Variants in ANK3 observed in about 807,000 individuals in gnomAD.
ANK3 encodes ankyrin-3.
Under a neutral mutation model 370.9 loss-of-function variants are expected in ANK3, and 57 were observed. The observed-to-expected ratio is 0.15, with a 90% CI of 0.12 to 0.19. The LOEUF is 0.19. ANK3 is among the 10% of genes least tolerant of loss of function. The pLI is 1.00. For missense variants in ANK3, 4,439 were observed against 5,302.1 expected (o/e 0.84, Z 5.06); for synonymous variants, 1,929 against 1,946.3 (o/e 0.99, Z 0.23).
At chr10:60,080,772 C>G (rs563647632) in intron 35 of ANK3, among the ~76,000 whole-genome samples, 154 bp from the exon 36 acceptor site, 13 of 152,270 alleles carry the variant, frequency 8.5e-5, no homozygotes, top group Admixed American at 5.9e-4. Flanking sequence ...CCCCACCCCC[C>G]ATGTCTTAAC....
At chr10:60,574,571 T>C (rs960688607) in intron 2 of ANK3, among the ~76,000 whole-genome samples, 1 of 152,182 alleles carries the variant, frequency 6.6e-6, no homozygotes, top group African/African-American at 2.4e-5. Flanking sequence ...AAAATAAACC[T>C]TTCAAGTTCT....
At chr10:60,189,291 G>T (rs773105961) in intron 16 of ANK3, among the ~76,000 whole-genome samples, 5 of 152,160 alleles carry the variant, frequency 3.3e-5, no homozygotes, top group African/African-American at 1.2e-4. Context: ...TCAGGAGCTC[G>T]AGACCACCCT....
At chr10:60,585,541 T>C (rs1163639738) in intron 2 of ANK3, among the ~76,000 whole-genome samples, 3 of 152,098 alleles carry the variant, frequency 2.0e-5, no homozygotes, top group African/African-American at 4.8e-5. Flanking sequence ...AGATTAAGAA[T>C]ACGCCCTTCT....
intron 1 of ANK3, among the ~76,000 whole-genome samples, chr10:60,630,022 C>T (rs891151993): frequency 2.0e-5 from 3 of 152,038 alleles, no homozygotes; most frequent in Non-Finnish European, 4.4e-5. Flanking sequence ...AGCTATGTAA[C>T]CTCTGAAAGC....
intron 2 of ANK3, among the ~76,000 whole-genome samples, chr10:60,521,222 C>T (rs2076339506): frequency 6.6e-6 from 1 of 152,094 alleles, no homozygotes; most frequent in South Asian, 2.1e-4. Context: ...TCTAATTAAT[C>T]TGCCTTATGA....
At chr10:60,130,413 G>A (rs1239001495) in intron 25 of ANK3, among the ~76,000 whole-genome samples, 3 of 152,172 alleles carry the variant, frequency 2.0e-5, no homozygotes, top group Non-Finnish European at 2.9e-5. Flanking sequence ...AAAGAGAAGT[G>A]TATGAGAGTT....
intron 2 of ANK3, chr10:60,573,047 C>G: frequency 1.0e-6 from 1 of 978,844 alleles, no homozygotes; most frequent in Non-Finnish European, 1.2e-6. Flanking sequence ...GTGCTGCTAG[C>G]CTCCCATACT....
intron 2 of ANK3, among the ~76,000 whole-genome samples, chr10:60,448,725 C>T (rs766448579): frequency 5.3e-5 from 8 of 152,172 alleles, no homozygotes; most frequent in Non-Finnish European, 7.3e-5. Flanking sequence ...GCTTATTTTG[C>T]GTTTGCTGGA....
intron 2 of ANK3, among the ~76,000 whole-genome samples, chr10:60,601,767 T>C (rs75645667): frequency 0.018 from 2,689 of 152,238 alleles, 33 homozygotes; most frequent in Non-Finnish European, 0.026. Flanking sequence ...AAATGTGTCA[T>C]GGTAATAGAA....
At chr10:60,242,047 T>C (rs1035226002) in intron 7 of ANK3, among the ~76,000 whole-genome samples, 2 of 152,222 alleles carry the variant, frequency 1.3e-5, no homozygotes, top group African/African-American at 4.8e-5. Context: ...TGTTCTTATG[T>C]ATAATACCAT....
At chr10:60,315,682 A>AT (rs929522730) in intron 1 of ANK3, among the ~76,000 whole-genome samples, 3 of 151,800 alleles carry the variant, frequency 2.0e-5, no homozygotes, top group African/African-American at 7.3e-5. Context: ...CACTTGTTTA[A>AT]TTTTTTTTCC....
At chr10:60,184,677 A>G (rs2096280280) in intron 17 of ANK3, among the ~76,000 whole-genome samples, 1 of 152,210 alleles carries the variant, frequency 6.6e-6, no homozygotes, top group Non-Finnish European at 1.5e-5. Flanking sequence ...AAGCACTGAG[A>G]AAATTTTTGC....
chr10:60,060,066 A>G (rs1025447678), intron 40 of ANK3: 20 of 1,267,392 alleles, frequency 1.6e-5, no homozygotes, highest in Admixed American at 1.1e-4. Flanking sequence ...AAACAAAAAC[A>G]CATGGAATGA....
intron 1 of ANK3, among the ~76,000 whole-genome samples, chr10:60,700,650 C>A (rs1402245145): frequency 6.6e-6 from 1 of 152,084 alleles, no homozygotes; most frequent in Non-Finnish European, 1.5e-5. Context: ...ATACAAAATC[C>A]AGAATTACTT....
At chr10:60,560,364 A>C (rs1172314738) in intron 2 of ANK3, among the ~76,000 whole-genome samples, 1 of 152,192 alleles carries the variant, frequency 6.6e-6, no homozygotes, top group East Asian at 1.9e-4. Flanking sequence ...ATTAAGGACT[A>C]ATGTGTTGGT....
chr10:60,449,304 T>A (rs1161442024), intron 2 of ANK3, among the ~76,000 whole-genome samples: 1 of 152,242 alleles, frequency 6.6e-6, no homozygotes, highest in Admixed American at 6.5e-5. Flanking sequence ...CAAATCATTA[T>A]TATTTCAACA....
At chr10:60,706,022 C>A (rs934621926) in intron 1 of ANK3, among the ~76,000 whole-genome samples, 4 of 151,950 alleles carry the variant, frequency 2.6e-5, no homozygotes, top group Non-Finnish European at 5.9e-5. Context: ...CAGGGTTTTG[C>A]CATGTTGCCC....
chr10:60,366,390 G>T (rs2059392621), intron 1 of ANK3, among the ~76,000 whole-genome samples: 1 of 152,068 alleles, frequency 6.6e-6, no homozygotes, highest in South Asian at 2.1e-4. Flanking sequence ...AAGCCCAACT[G>T]CTCTTTCTCT....
intron 1 of ANK3, among the ~76,000 whole-genome samples, chr10:60,375,448 G>A (rs10994321): frequency 0.1 from 15,131 of 151,892 alleles, 1,099 homozygotes; most frequent in East Asian, 0.26. Context: ...AGCACTGCCA[G>A]TGGGAGGCCT....
Sources: gnomAD v4.1 joint callset for allele counts (sites outside exome capture counted in the v4.1 genomes callset) on GRCh38, gnomAD v4.1.1 for gene constraint, MANE v1.5 for transcripts, NCBI Gene and HGNC (gene_info 2026-07-23, HGNC 2026-07-21) for gene names.